Variants in IRAK1BP1 observed in about 807,000 individuals in gnomAD.
The protein encoded by IRAK1BP1 is interleukin-1 receptor-associated kinase 1-binding protein 1.
In IRAK1BP1, 24 loss-of-function variants were observed where a neutral mutation model predicts 28.0. That is an observed-to-expected ratio of 0.86 (90% CI 0.62 to 1.20). IRAK1BP1 has a LOEUF of 1.20. Ranked by LOEUF, IRAK1BP1 falls within the 50% of genes most tolerant of loss-of-function variation. The pLI, the probability that IRAK1BP1 is intolerant of heterozygous loss-of-function variation, is 0.00. For missense variants in IRAK1BP1, 336 were observed against 316.7 expected (o/e 1.06, Z -0.46); for synonymous variants, 131 against 116.3 (o/e 1.13, Z -0.81).
chr6:78,871,475 C>G (rs1770789520), intron 1 of IRAK1BP1: 2 of 985,524 alleles, frequency 2.0e-6, no homozygotes, highest in African/African-American at 1.7e-5. Flanking sequence ...ACCATGACAC[C>G]CAGTAGGAGG....
chr6:78,878,682 T>C (rs1360966134), intron 1 of IRAK1BP1, among the ~76,000 whole-genome samples: 1 of 152,190 alleles, frequency 6.6e-6, no homozygotes, highest in African/African-American at 2.4e-5. Flanking sequence ...CTTCAGACGA[T>C]CGGTAATAAC....
chr6:78,971,361 T>G, the IRAK1BP1 span, among the ~76,000 whole-genome samples: 1 of 152,220 alleles, frequency 6.6e-6, no homozygotes, highest in Non-Finnish European at 1.5e-5. Flanking sequence ...CAAATTTAAG[T>G]GACTCCTGAC....
chr6:78,872,191 C>T (rs1770817125), intron 1 of IRAK1BP1: 2 of 686,822 alleles, frequency 2.9e-6, no homozygotes, highest in East Asian at 5.5e-5. Flanking sequence ...TTTGAGCTGA[C>T]CACAGCGGTA....
At chr6:78,943,604 T>G (rs749255115) in intron 4 of IRAK1BP1, among the ~76,000 whole-genome samples, 1 of 152,212 alleles carries the variant, frequency 6.6e-6, no homozygotes, top group Non-Finnish European at 1.5e-5. Flanking sequence ...CTCAGATTCT[T>G]TGGAGATACA....
the IRAK1BP1 span, chr6:78,969,786 G>T: frequency 1.2e-6 from 1 of 846,522 alleles, no homozygotes; most frequent in Non-Finnish European, 1.8e-6. Context: ...CACTTACTAA[G>T]AAAAAAAAAC....
At chr6:78,868,402 G>A (rs1770667749) in intron 1 of IRAK1BP1, among the ~76,000 whole-genome samples, 1 of 152,238 alleles carries the variant, frequency 6.6e-6, no homozygotes, top group Non-Finnish European at 1.5e-5. Context: ...TGGGGAAGAA[G>A]TTGCGTCCAT....
chr6:78,910,757 C>G (rs1025241626), intron 4 of IRAK1BP1, among the ~76,000 whole-genome samples: 2 of 152,380 alleles, frequency 1.3e-5, no homozygotes, highest in African/African-American at 4.8e-5. Context: ...CGCTTCTCGC[C>G]GGCTGGGACT....
At chr6:78,891,710 C>T (rs1172598206) in intron 2 of IRAK1BP1, among the ~76,000 whole-genome samples, 1 of 152,184 alleles carries the variant, frequency 6.6e-6, no homozygotes, top group African/African-American at 2.4e-5. Flanking sequence ...GATCCGCCTG[C>T]CTCTGCCTCC....
chr6:78,946,680 C>A, downstream of IRAK1BP1: 3 of 1,507,158 alleles, frequency 2.0e-6, no homozygotes, highest in South Asian at 2.6e-5. Flanking sequence ...AGTTATAGAT[C>A]AGCTAGTGGT....
rs139592914 is a variant in IRAK1BP1, at chr6:78,925,161, G to T, written c.*68-20247G>T. Among the ~76,000 whole-genome samples the T allele has an allele frequency of 5.6e-3, 849 of 151,866 alleles. 6 individuals carry two copies. The highest frequency in any genetic ancestry group is 0.02 in the African/African-American group (823 of 41,394). On this transcript the variant is annotated intron_variant and NMD_transcript_variant, in intron 4 of 4. Coordinates refer to the IRAK1BP1 transcript ENST00000606868. ...AGGAAGGGGAACATCACACACCGGG[G>T]CCTGTTTTGGGGTGGGGGTATGGGG...
intron 1 of IRAK1BP1, among the ~76,000 whole-genome samples, chr6:78,870,173 A>G (rs1770746361): frequency 7.1e-6 from 1 of 141,708 alleles, no homozygotes; most frequent in Non-Finnish European, 1.5e-5. Flanking sequence ...CTCCTATCAT[A>G]TCTTCCTCCC....
At chr6:78,933,930 T>C (rs1371732681) in intron 4 of IRAK1BP1, among the ~76,000 whole-genome samples, 3 of 151,772 alleles carry the variant, frequency 2.0e-5, no homozygotes, top group African/African-American at 7.3e-5. Flanking sequence ...CTTGGCACAA[T>C]AGTTTCAGCT....
intron 4 of IRAK1BP1, among the ~76,000 whole-genome samples, chr6:78,910,747 C>G (rs1280065313): frequency 6.6e-6 from 1 of 152,250 alleles, no homozygotes; most frequent in Non-Finnish European, 1.5e-5. Context: ...GCTTGAATCG[C>G]GCTTCTCGCC....
chr6:78,905,818 G>A (rs1316025683), downstream of IRAK1BP1, among the ~76,000 whole-genome samples: 1 of 152,082 alleles, frequency 6.6e-6, no homozygotes, highest in African/African-American at 2.4e-5. Flanking sequence ...AGCCAGGATG[G>A]TGTCGATCTC....
chr6:78,930,995 A>C (rs1363084036), intron 4 of IRAK1BP1, among the ~76,000 whole-genome samples: 1 of 152,080 alleles, frequency 6.6e-6, no homozygotes, highest in Non-Finnish European at 1.5e-5. Context: ...ACCAACTATT[A>C]TTCTCAGGTA....
chr6:78,868,246 T>A (rs1445969756), intron 1 of IRAK1BP1, among the ~76,000 whole-genome samples: 1 of 152,246 alleles, frequency 6.6e-6, no homozygotes, highest in African/African-American at 2.4e-5. Context: ...CGTGGAGTGC[T>A]GGACACTAAA....
downstream of IRAK1BP1, among the ~76,000 whole-genome samples, chr6:78,948,287 G>A (rs572294681): frequency 5.3e-5 from 8 of 152,112 alleles, no homozygotes; most frequent in African/African-American, 1.9e-4. Flanking sequence ...CAGTAATAAA[G>A]AATTACGAAT....
intron 1 of IRAK1BP1, among the ~76,000 whole-genome samples, chr6:78,878,315 A>T (rs1771087513): frequency 6.6e-6 from 1 of 152,204 alleles, no homozygotes; most frequent in African/African-American, 2.4e-5. Context: ...AGGAAAGATC[A>T]GGCAGCAACG....
the IRAK1BP1 span, chr6:78,955,158 TA>T: frequency 4.7e-6 from 5 of 1,071,046 alleles, no homozygotes; most frequent in East Asian, 2.7e-5. Context: ...ATGCTAAGAG[TA>T]AAAAAATAAA....
Sources: gnomAD v4.1 joint callset for allele counts (sites outside exome capture counted in the v4.1 genomes callset) on GRCh38, gnomAD v4.1.1 for gene constraint, MANE v1.5 for transcripts, NCBI Gene and HGNC (gene_info 2026-07-23, HGNC 2026-07-21) for gene names.